CEP112: variants seen among roughly 807,000 people sequenced by gnomAD.
CEP112 encodes the protein centrosomal protein 112, also known as centrosomal protein of 112 kDa.
CEP112 carries 127 observed loss-of-function variants against 153.0 expected under a neutral mutation model. The observed-to-expected ratio is 0.83, with a 90% CI of 0.72 to 0.96. CEP112 has a LOEUF of 0.96. Among genes scored for constraint, CEP112 ranks in the 40% least tolerant of loss-of-function variants. The pLI is 0.00. For synonymous variants in CEP112, 358 were observed against 374.4 expected (o/e 0.96, Z 0.51); for missense variants, 1,089 against 1,101.2 (o/e 0.99, Z 0.16).
intron 18 of CEP112, among the ~76,000 whole-genome samples, chr17:65,954,263 T>G (rs1380261243): frequency 6.6e-6 from 1 of 152,092 alleles, no homozygotes; most frequent in Non-Finnish European, 1.5e-5. Context: ...ACAATCACTA[T>G]AGCTCCGCTC....
At chr17:66,161,503 T>TA (rs566985724) in intron 4 of CEP112, among the ~76,000 whole-genome samples, 4 of 151,566 alleles carry the variant, frequency 2.6e-5, no homozygotes, top group East Asian at 1.9e-4. Context: ...TATGCAGCCA[T>TA]AAAAAAAAGG....
intron 21 of CEP112, chr17:65,826,342 C>T (rs1022707514): frequency 6.2e-7 from 1 of 1,612,388 alleles, no homozygotes; most frequent in Non-Finnish European, 8.5e-7. Context: ...GTGATGAGAG[C>T]CCTCAGTGCA....
At chr17:66,068,534 C>G (rs1232338167) in intron 9 of CEP112, among the ~76,000 whole-genome samples, 1 of 152,102 alleles carries the variant, frequency 6.6e-6, no homozygotes, top group East Asian at 1.9e-4. Context: ...TTACGCCTTG[C>G]CAATTCCTGA....
chr17:65,725,839 T>G (rs2050147878), intron 23 of CEP112, among the ~76,000 whole-genome samples: 1 of 152,068 alleles, frequency 6.6e-6, no homozygotes, highest in Non-Finnish European at 1.5e-5. Flanking sequence ...TGATTCAAAT[T>G]ATCTCCCACT....
chr17:65,663,829 G>A (rs2046530747), intron 24 of CEP112, among the ~76,000 whole-genome samples: 1 of 152,164 alleles, frequency 6.6e-6, no homozygotes, highest in African/African-American at 2.4e-5. Flanking sequence ...GGCAGATCAC[G>A]AGGTCAGGAG....
At chr17:65,901,260 GA>G (rs1170878134) in intron 20 of CEP112, among the ~76,000 whole-genome samples, 2 of 152,136 alleles carry the variant, frequency 1.3e-5, no homozygotes, top group African/African-American at 4.8e-5. Context: ...ATTTCAATGG[GA>G]AAAGGGGTAT....
In CEP112 at chr17:66,027,500, CCTT is replaced by C. The variant is rs2065264451; in HGVS notation, c.1654_1656del (p.Lys552del). On this transcript the variant is annotated inframe_deletion and splice_region_variant, in exon 16 of 27. Coordinates refer to ENST00000535342, the MANE Select transcript of CEP112 (RefSeq NM_001199165.4). Reference sequence around the variant, plus strand: ...TTTATAGCTTCCATAAAACATATTACCTTTTTTTCATAGATGTGTTTTAAATGA... The same window carrying C: ...TTTATAGCTTCCATAAAACATATTACTTTTTCATAGATGTGTTTTAAATGA... 7.4e-7 allele frequency: 1 copy of C among 1,342,654 alleles called. No individual in the cohort carries two copies. The highest frequency in any genetic ancestry group is 9.9e-7 in the Non-Finnish European group (1 of 1,006,274). The allele number at this position is 1,342,654 out of a possible 1,614,324, so 83.2% of individuals were successfully genotyped here. A position where few individuals can be genotyped will look rare whatever the true frequency, so the allele number is the denominator to read the frequency against.
intron 21 of CEP112, among the ~76,000 whole-genome samples, chr17:65,766,949 T>C (rs961042773): frequency 6.7e-6 from 1 of 148,410 alleles, no homozygotes; most frequent in Non-Finnish European, 1.5e-5. Flanking sequence ...AATACAGTAA[T>C]AGTGGGGACT....
intron 12 of CEP112, among the ~76,000 whole-genome samples, chr17:66,033,070 AT>A (rs1275324774): frequency 6.6e-6 from 1 of 152,154 alleles, no homozygotes; most frequent in Non-Finnish European, 1.5e-5. Context: ...CACACAAACC[AT>A]TTTTGCACAA....
At chr17:65,899,514 A>T (rs1475492926) in intron 20 of CEP112, among the ~76,000 whole-genome samples, 2 of 152,290 alleles carry the variant, frequency 1.3e-5, no homozygotes, top group Admixed American at 6.5e-5. Flanking sequence ...AACAACCTAT[A>T]ATAATTATAA....
rs191949111 is a variant in CEP112, at chr17:65,658,973, G to A, written c.2698-17908C>T. On this transcript the variant is annotated intron_variant, in intron 24 of 26. Coordinates refer to ENST00000535342, the MANE Select transcript of CEP112 (RefSeq NM_001199165.4). The stretch of plus-strand genomic sequence containing the variant: ...TTCAGTTGCAGTGAGCCAAGATCAC[G>A]CCACTGCACTCCAGCCTGGGTGACA... Among the ~76,000 whole-genome samples, 1,096 of 126,428 alleles carry A rather than the reference G, an allele frequency of 8.7e-3. 6 individuals carry two copies. The highest frequency in any genetic ancestry group is 0.012 in the Non-Finnish European group (771 of 64,438). The allele number at this position is 126,428 out of a possible 152,430, so 82.9% of individuals were successfully genotyped here.
At chr17:65,883,736 G>A (rs1432154805) in intron 20 of CEP112, among the ~76,000 whole-genome samples, 1 of 152,102 alleles carries the variant, frequency 6.6e-6, no homozygotes, top group East Asian at 1.9e-4. Flanking sequence ...CTAACCCAAT[G>A]TACATTTTGA....
chr17:65,784,900 C>T (rs570869425), intron 21 of CEP112, among the ~76,000 whole-genome samples: 25 of 152,118 alleles, frequency 1.6e-4, no homozygotes, highest in African/African-American at 5.5e-4. Context: ...TTTATCACCA[C>T]GACAAAATTC....
Position 65,805,651 on chromosome 17 carries a change from C to T in CEP112, c.2394+46153G>A, listed in dbSNP as rs567314063. On this transcript the variant is annotated intron_variant, in intron 21 of 26. Transcript: ENST00000535342. ...TTTTAGTTTTTTGGAAACTGACTTG[C>T]GGAACATTTTATTCCTGGACAATAT... 4.7e-4 allele frequency among the ~76,000 whole-genome samples: 71 copies of T among 152,234 alleles called. 3 individuals carry two copies. The highest frequency in any genetic ancestry group is 2.1e-4 in the South Asian group (1 of 4,830).
intron 24 of CEP112, among the ~76,000 whole-genome samples, chr17:65,677,869 C>T (rs186888988): frequency 1.2e-4 from 19 of 152,160 alleles, no homozygotes; most frequent in African/African-American, 2.9e-4. Flanking sequence ...GCCAAGATTG[C>T]GCCACTGCAC....
At chr17:65,713,121 A>G (rs2049293530) in intron 23 of CEP112, among the ~76,000 whole-genome samples, 1 of 152,208 alleles carries the variant, frequency 6.6e-6, no homozygotes, top group African/African-American at 2.4e-5. Context: ...CTTTACAGAA[A>G]GGTAGGTAGA....
intron 7 of CEP112, 26 bp from the exon 8 acceptor site, chr17:66,096,354 A>ACATGTTT: frequency 6.3e-7 from 1 of 1,598,906 alleles, no homozygotes; most frequent in Non-Finnish European, 8.6e-7. Flanking sequence ...GAGTTATTTA[A>ACATGTTT]CATGTTTTCA....
At chr17:65,774,503 G>A (rs6504357) in intron 21 of CEP112, among the ~76,000 whole-genome samples, 70,043 of 152,016 alleles carry the variant, frequency 0.46, 17,349 homozygotes, top group East Asian at 0.79. Context: ...TGCAGGACCC[G>A]TTTCCTGTGG....
chr17:66,145,937 G>A (rs1225796848), intron 4 of CEP112, among the ~76,000 whole-genome samples: 3 of 151,652 alleles, frequency 2.0e-5, no homozygotes, highest in Admixed American at 6.6e-5. Context: ...CTAAAACTAT[G>A]ATGAAATACA....
Sources: allele counts gnomAD v4.1 joint callset (sites outside exome capture counted in the v4.1 genomes callset), GRCh38; gene constraint gnomAD v4.1.1; transcripts MANE v1.5; gene names NCBI Gene and HGNC (gene_info 2026-07-23, HGNC 2026-07-21).